The following IMMP1L variants were observed in gnomAD, a reference collection of about 807,000 sequenced individuals.
IMMP1L encodes the protein mitochondrial inner membrane protease subunit 1.
In IMMP1L, 24 loss-of-function variants were observed where a neutral mutation model predicts 21.8. The observed-to-expected ratio is 1.10, with a 90% confidence interval of 0.80 to 1.55. The LOEUF is 1.55. Among genes scored for constraint, IMMP1L ranks in the 40% most tolerant of loss-of-function variants. IMMP1L has a pLI of 0.00. For synonymous variants in IMMP1L, 46 were observed against 62.8 expected (o/e 0.73, Z 1.26); for missense variants, 195 against 200.7 (o/e 0.97, Z 0.17).
chr11:31,460,713 C>A lies in IMMP1L; in HGVS notation c.107G>T (p.Cys36Phe). The stretch of plus-strand genomic sequence containing the variant: ...TGTAGGCTCCATTGATGGTCCAGAA[C>A]ACTGAAAAGAGAGGTAATTTGTAAT... ...AFEYVGGVVM[C>F]SGPSMEPTIQ... Residue 36 changes from cysteine (C) to phenylalanine (F), a missense_variant and splice_region_variant, in exon 3 of 6, where the codon TGT becomes TTT. Transcript: ENST00000532287. 1 of 1,581,966 alleles carries A rather than the reference C, an allele frequency of 6.3e-7. No individual in the cohort carries two copies. The highest frequency in any genetic ancestry group is 1.1e-5 in the South Asian group (1 of 88,852).
At chr11:31,451,586 T>C (rs904779793) in intron 4 of IMMP1L, among the ~76,000 whole-genome samples, 5 of 152,144 alleles carry the variant, frequency 3.3e-5, no homozygotes, top group Non-Finnish European at 2.9e-5. Context: ...GGGAAGTGTA[T>C]GGAAGGAGCC....
rs1592006580 is a variant in IMMP1L, at chr11:31,477,010, T to G, written c.-29-13705A>C. ...TAAGTCATTCAGTATTCCTATTTAC[T>G]CTATACTTTTATATATTAAAATCAT... On this transcript the variant is annotated intron_variant, in intron 1 of 5. Transcript: ENST00000532287. The G allele has an allele frequency of 2.0e-5, 3 of 152,262 alleles. 1 individual carries two copies. In the South Asian group the frequency reaches 6.2e-4, roughly 32 times the overall value. The allele number at this position is 152,262 out of a possible 1,614,324, so 9.4% of individuals were successfully genotyped here.
At chr11:31,465,579 T>C (rs1181912151) in intron 1 of IMMP1L, among the ~76,000 whole-genome samples, 1 of 152,044 alleles carries the variant, frequency 6.6e-6, no homozygotes, top group African/African-American at 2.4e-5. Flanking sequence ...CAAAACAGCA[T>C]GGTATTAGTA....
chr11:31,456,607 T>C (rs2133633743), intron 3 of IMMP1L, among the ~76,000 whole-genome samples: 1 of 152,176 alleles, frequency 6.6e-6, no homozygotes, highest in East Asian at 1.9e-4. Context: ...TATCTAAAAT[T>C]TCTGATAATT....
intron 1 of IMMP1L, among the ~76,000 whole-genome samples, chr11:31,496,332 G>A (rs933707867): frequency 4.6e-5 from 7 of 152,304 alleles, no homozygotes; most frequent in African/African-American, 1.7e-4. Flanking sequence ...AACAAATGTT[G>A]CTAAGGATGT....
At chr11:31,482,094 ACT>A (rs1954911535) in intron 1 of IMMP1L, among the ~76,000 whole-genome samples, 1 of 152,056 alleles carries the variant, frequency 6.6e-6, no homozygotes, top group East Asian at 1.9e-4. Flanking sequence ...GAATAAACAC[ACT>A]GTTTTCTTAA....
intron 3 of IMMP1L, 59 bp downstream of exon 3, chr11:31,460,567 G>C: frequency 2.0e-6 from 2 of 1,016,252 alleles, no homozygotes; most frequent in Non-Finnish European, 3.1e-6. Context: ...CTGCAGAAAA[G>C]CCACAATGTG....
chr11:31,469,513 T>C (rs1293107294), intron 1 of IMMP1L, among the ~76,000 whole-genome samples: 2 of 152,170 alleles, frequency 1.3e-5, no homozygotes, highest in Non-Finnish European at 2.9e-5. Context: ...AGGCTCAGCC[T>C]AACAGGAGAC....
chr11:31,452,539 G>A (rs1338938306), intron 4 of IMMP1L: 16 of 985,226 alleles, frequency 1.6e-5, no homozygotes, highest in Non-Finnish European at 1.8e-5. Context: ...TGATAAAGCA[G>A]TGGCTTCAAG....
At chr11:31,456,225 GA>G in intron 4 of IMMP1L, 34 bp downstream of exon 4, 4 of 1,452,894 alleles carry the variant, frequency 2.8e-6, no homozygotes, top group Non-Finnish European at 3.8e-6. Context: ...AATCAATTAT[GA>G]CACCAAAAAT....
At chr11:31,447,126 G>A (rs1953553713) in intron 4 of IMMP1L, among the ~76,000 whole-genome samples, 1 of 152,182 alleles carries the variant, frequency 6.6e-6, no homozygotes, top group African/African-American at 2.4e-5. Flanking sequence ...TCAAGTAAGT[G>A]CTCAGTAAGT....
chr11:31,500,126 A>G (rs1431384383), intron 1 of IMMP1L, among the ~76,000 whole-genome samples: 1 of 152,066 alleles, frequency 6.6e-6, no homozygotes. Context: ...TACACCAATA[A>G]ATTAAGTCCT....
intron 1 of IMMP1L, among the ~76,000 whole-genome samples, chr11:31,506,728 G>A (rs1009828746): frequency 1.3e-4 from 20 of 150,706 alleles, no homozygotes; most frequent in African/African-American, 4.1e-4. Context: ...TTGGGAAGCC[G>A]AGGCGGGTGG....
chr11:31,504,870 C>G (rs537000779), intron 1 of IMMP1L, among the ~76,000 whole-genome samples: 117 of 152,238 alleles, frequency 7.7e-4, no homozygotes, highest in African/African-American at 2.8e-3. Flanking sequence ...AGTAGAAAAA[C>G]AGGTAAAAGA....
chr11:31,452,031 G>C (rs1417473320), intron 4 of IMMP1L, among the ~76,000 whole-genome samples: 2 of 152,178 alleles, frequency 1.3e-5, no homozygotes, highest in African/African-American at 2.4e-5. Context: ...TTGATCACTG[G>C]AGAGACAACA....
At chr11:31,498,107 T>A (rs1955511072) in intron 1 of IMMP1L, among the ~76,000 whole-genome samples, 1 of 152,266 alleles carries the variant, frequency 6.6e-6, no homozygotes. Flanking sequence ...AGAAAAAACA[T>A]AATTTGCTTT....
chr11:31,495,765 G>A (rs1334416984), intron 1 of IMMP1L, among the ~76,000 whole-genome samples: 1 of 152,094 alleles, frequency 6.6e-6, no homozygotes, highest in Non-Finnish European at 1.5e-5. Context: ...ACCATTCAAT[G>A]GGGAAAAGGC....
At chr11:31,509,264 T>C (rs1955912694) in intron 1 of IMMP1L, among the ~76,000 whole-genome samples, 1 of 152,080 alleles carries the variant, frequency 6.6e-6, no homozygotes, top group Non-Finnish European at 1.5e-5. Context: ...AACCAACTCA[T>C]TAAGGTAAGA....
At chr11:31,446,535 G>A (rs1228893623) in intron 4 of IMMP1L, among the ~76,000 whole-genome samples, 2 of 152,122 alleles carry the variant, frequency 1.3e-5, no homozygotes, top group African/African-American at 2.4e-5. Context: ...ATCCTCCCAC[G>A]TAACAGACTA....
Sources: allele counts gnomAD v4.1 joint callset (sites outside exome capture counted in the v4.1 genomes callset), GRCh38; gene constraint gnomAD v4.1.1; transcripts MANE v1.5; gene names NCBI Gene and HGNC (gene_info 2026-07-23, HGNC 2026-07-21).